The following THSD4 variants were observed in gnomAD, a reference collection of about 807,000 sequenced individuals.
The protein encoded by THSD4 is thrombospondin type-1 domain-containing protein 4.
In THSD4, 69 loss-of-function variants were observed where a neutral mutation model predicts 119.0. The observed-to-expected ratio is 0.58, with a 90% CI of 0.48 to 0.71. The LOEUF (loss-of-function observed/expected upper bound fraction) is 0.71. THSD4 is among the 30% of genes least tolerant of loss of function. THSD4 has a pLI of 0.00. For missense variants in THSD4, 1,393 were observed against 1,391.1 expected (o/e 1.00, Z -0.02); for synonymous variants, 524 against 540.4 (o/e 0.97, Z 0.42).
intron 7 of THSD4, among the ~76,000 whole-genome samples, chr15:71,642,730 C>A (rs1415486075): frequency 6.6e-6 from 1 of 150,604 alleles, no homozygotes; most frequent in Non-Finnish European, 1.5e-5. Flanking sequence ...TGTTCTCACT[C>A]ATAGGTGGGA....
intron 8 of THSD4, among the ~76,000 whole-genome samples, chr15:71,694,302 T>C (rs2052117906): frequency 6.6e-6 from 1 of 152,240 alleles, no homozygotes; most frequent in Non-Finnish European, 1.5e-5. Flanking sequence ...TAATCTATTT[T>C]ATCCCAAAAT....
intron 7 of THSD4, chr15:71,547,755 C>G (rs758645025): frequency 3.4e-6 from 1 of 295,092 alleles, no homozygotes; most frequent in African/African-American, 2.2e-5. Flanking sequence ...GCCTGTAGCA[C>G]GCACGCTTCT....
At chr15:71,493,859 C>T (rs1037823195) in intron 7 of THSD4, among the ~76,000 whole-genome samples, 5 of 152,350 alleles carry the variant, frequency 3.3e-5, no homozygotes, top group East Asian at 1.9e-4. Context: ...GCAAGAAGGG[C>T]TCAGAGTGGT....
Position 71,235,870 on chromosome 15 carries a change from TG to T in THSD4, c.465-6778del, listed in dbSNP as rs145462004. On this transcript the variant is annotated intron_variant, in intron 4 of 17. Coordinates refer to ENST00000261862, the MANE Select transcript of THSD4 (RefSeq NM_024817.3). Reference sequence around the variant, plus strand: ...CCTCCGAAAGTGCTGGGATTACGGGTGTGAGCCACCATGCTGGCTGGAATGC... The same window carrying T: ...CCTCCGAAAGTGCTGGGATTACGGGTTGAGCCACCATGCTGGCTGGAATGC... Among the ~76,000 whole-genome samples the T allele has an allele frequency of 9.8e-3, 1,492 of 152,252 alleles. 23 individuals are homozygous for T. The highest frequency in any genetic ancestry group is 0.035 in the African/African-American group (1,452 of 41,538).
chr15:71,404,860 C>A (rs573070154), intron 6 of THSD4, among the ~76,000 whole-genome samples: 2 of 150,032 alleles, frequency 1.3e-5, no homozygotes. Flanking sequence ...TCTTTTCTTT[C>A]TTTTCTTTCC....
chr15:71,605,834 G>A (rs1185542166), intron 7 of THSD4, among the ~76,000 whole-genome samples: 1 of 152,204 alleles, frequency 6.6e-6, no homozygotes, highest in African/African-American at 2.4e-5. Context: ...GTAGACAGAG[G>A]AGAGATGGAG....
At chr15:71,386,225 C>G (rs1596388901) in intron 6 of THSD4, among the ~76,000 whole-genome samples, 1 of 152,130 alleles carries the variant, frequency 6.6e-6, no homozygotes, top group East Asian at 1.9e-4. Context: ...AAATCAAAGA[C>G]AAAACAGGCA....
chr15:71,377,889 C>CACACACACACACACACACACAA lies in THSD4; in HGVS notation c.1016-33777_1016-33776insAACACACACACACACACACACA, dbSNP rs1555407784. Among the ~76,000 whole-genome samples, 67 of 84,080 alleles carry CACACACACACACACACACACAA rather than the reference C, an allele frequency of 8.0e-4. 1 individual carries two copies. Among genetic ancestry groups the CACACACACACACACACACACAA allele is most frequent in the Middle Eastern group, 5.5e-3 (1 of 182 alleles). 55.2% of individuals were successfully genotyped at this position (84,080 alleles called of 152,430 possible). A position where few individuals can be genotyped will look rare whatever the true frequency, so the allele number is the denominator to read the frequency against. On this transcript the variant is annotated intron_variant, in intron 6 of 17. Coordinates refer to ENST00000261862, the MANE Select transcript of THSD4 (RefSeq NM_024817.3). The stretch of plus-strand genomic sequence containing the variant: ...CACAACACACACACACACACACACA[C>CACACACACACACACACACACAA]ACACACACACACACACACACACACA...
intron 7 of THSD4, among the ~76,000 whole-genome samples, chr15:71,632,672 T>G (rs1181063264): frequency 6.6e-6 from 1 of 152,234 alleles, no homozygotes; most frequent in Non-Finnish European, 1.5e-5. Flanking sequence ...TTGCACATTT[T>G]TGTGTGTGAT....
intron 7 of THSD4, among the ~76,000 whole-genome samples, chr15:71,544,373 C>T (rs1447996652): frequency 2.6e-5 from 4 of 152,042 alleles, no homozygotes; most frequent in South Asian, 2.1e-4. Context: ...TAGTGCTCAA[C>T]GAATGTTGGC....
intron 6 of THSD4, among the ~76,000 whole-genome samples, chr15:71,316,865 A>G (rs969852355): frequency 4.6e-5 from 7 of 152,348 alleles, no homozygotes; most frequent in African/African-American, 1.4e-4. Flanking sequence ...CCAAAGTATT[A>G]TACTTTGTAG....
intron 3 of THSD4, among the ~76,000 whole-genome samples, chr15:71,193,413 A>G (rs1308239886): frequency 6.6e-6 from 1 of 152,186 alleles, no homozygotes; most frequent in African/African-American, 2.4e-5. Context: ...CGCACAGGGA[A>G]ATACCTCTAG....
At chr15:71,126,347 C>T (rs1228129161) in intron 1 of THSD4, among the ~76,000 whole-genome samples, 1 of 152,184 alleles carries the variant, frequency 6.6e-6, no homozygotes, top group East Asian at 1.9e-4. Flanking sequence ...CCCACCTCTA[C>T]CCAGAAGCAA....
At position 71,359,439 on chromosome 15, in the gene THSD4, A is replaced by G. The variant is rs78306674; in HGVS notation, c.1016-52248A>G. Among the ~76,000 whole-genome samples the G allele has an allele frequency of 2.9e-3, 442 of 152,344 alleles. 3 individuals carry two copies. Among genetic ancestry groups the G allele is most frequent in the African/African-American group, 0.01 (425 of 41,572 alleles). On this transcript the variant is annotated intron_variant, in intron 6 of 17. Transcript: ENST00000261862. Reference sequence around the variant, plus strand: ...AAGCTGTATTCGTACCATTTTACAGATGAGCAAACTGAGGCTTAGTGAAGT... The same window carrying G: ...AAGCTGTATTCGTACCATTTTACAGGTGAGCAAACTGAGGCTTAGTGAAGT...
chr15:71,309,327 C>T (rs1035356042), intron 6 of THSD4, among the ~76,000 whole-genome samples: 1 of 152,128 alleles, frequency 6.6e-6, no homozygotes, highest in Non-Finnish European at 1.5e-5. Context: ...CTATTCAAAT[C>T]CTTTACCTAT....
intron 2 of THSD4, among the ~76,000 whole-genome samples, chr15:71,142,608 T>A (rs1194950943): frequency 6.6e-6 from 1 of 152,240 alleles, no homozygotes; most frequent in Non-Finnish European, 1.5e-5. Flanking sequence ...CTTAAATATC[T>A]GCCCAAGCAT....
chr15:71,608,135 A>C (rs1447247298), intron 7 of THSD4, among the ~76,000 whole-genome samples: 1 of 150,782 alleles, frequency 6.6e-6, no homozygotes, highest in African/African-American at 2.4e-5. Context: ...AGGCAGGAGA[A>C]TTGTTTGAAC....
chr15:71,703,169 T>G (rs765183898), intron 8 of THSD4, among the ~76,000 whole-genome samples: 2 of 152,094 alleles, frequency 1.3e-5, no homozygotes, highest in Non-Finnish European at 2.9e-5. Context: ...GAGACAGAGA[T>G]TTGCCATGTT....
At chr15:71,638,205 G>A (rs1396352834) in intron 7 of THSD4, among the ~76,000 whole-genome samples, 2 of 152,156 alleles carry the variant, frequency 1.3e-5, no homozygotes, top group Non-Finnish European at 2.9e-5. Context: ...TTTTTGCAGG[G>A]CAGTTACTCT....
Sources: gnomAD v4.1 joint callset for allele counts (sites outside exome capture counted in the v4.1 genomes callset) on GRCh38, gnomAD v4.1.1 for gene constraint, MANE v1.5 for transcripts, NCBI Gene and HGNC (gene_info 2026-07-23, HGNC 2026-07-21) for gene names.